The following DEF8 variants were observed in gnomAD, a reference collection of about 807,000 sequenced individuals.
DEF8 encodes DEF-8.
Under a neutral mutation model 59.1 loss-of-function variants are expected in DEF8, and 38 were observed. The observed-to-expected ratio is 0.64, with a 90% confidence interval of 0.50 to 0.84. The LOEUF (loss-of-function observed/expected upper bound fraction) is 0.84, where lower values mean the gene tolerates loss of function less well. Ranked by LOEUF, DEF8 falls within the 40% of genes least tolerant of loss-of-function variation. DEF8 has a pLI of 0.00. For synonymous variants in DEF8, 265 were observed against 250.1 expected, an observed-to-expected ratio of 1.06 and a Z score of -0.56; for missense variants, 557 against 615.2, an observed-to-expected ratio of 0.91 and a Z score of 1.00.
rs998400583 is a variant in DEF8 at position 89,954,463 on chromosome 16, G to A, written c.124+87G>A. The A allele has an allele frequency of 1.5e-5, 22 of 1,458,208 alleles. 1 individual carries two copies. The highest frequency in any genetic ancestry group is 4.1e-4 in the Middle Eastern group (2 of 4,840). 90.3% of individuals were successfully genotyped at this position (1,458,208 alleles called of 1,614,324 possible). On this transcript the variant is annotated intron_variant, in intron 3 of 12. Transcript: ENST00000563594. The surrounding 1 kb of genome is among the most constrained non-coding windows in gnomAD (Gnocchi z 4.3). ...CTCCTTTCTTCCTGCCGCGTCCTGC[G>A]CAGCCCTGGCTTTCCCACGGAGCCG...
At position 89,963,471 on chromosome 16, in the gene DEF8, G is replaced by A. The variant is rs746308579; in HGVS notation, c.1002+28G>A. ...CAGACTGCCAGCAGGACTGGCCCCC[G>A]ATGGGAAGCGCAGCCAGGGTGGTGA... is the stretch of plus-strand genomic sequence containing the variant. On this transcript the variant is annotated intron_variant, in intron 10 of 12. Coordinates refer to ENST00000563594, the MANE Select transcript of DEF8 (RefSeq NM_001242818.2). The A allele has an allele frequency of 1.3e-5, 21 of 1,599,496 alleles. No individual in the cohort carries two copies. The East Asian group carries it at 2.2e-4, about 17-fold the overall frequency.
intron 2 of DEF8, 140 bp downstream of exon 2, chr16:89,949,653 C>G (rs377700366): frequency 6.2e-7 from 1 of 1,601,252 alleles, no homozygotes; most frequent in Non-Finnish European, 8.5e-7. Context: ...GTGCATCCCG[C>G]GTGTCCTGAG....
At chr16:89,958,952 C>A in intron 5 of DEF8, 62 bp from the exon 6 acceptor site, 2 of 1,586,180 alleles carry the variant, frequency 1.3e-6, no homozygotes, top group Non-Finnish European at 1.7e-6. Context: ...GGGGCTTGTG[C>A]GAAGGGAAAG....
Position 89,964,206 on chromosome 16 carries a change from A to T in DEF8, c.1039A>T (p.Met347Leu). 1 of 1,613,424 alleles carries T rather than the reference A, an allele frequency of 6.2e-7. No individual in the cohort carries two copies. The highest frequency in any genetic ancestry group is 8.5e-7 in the Non-Finnish European group (1 of 1,179,796). ...DRQHFVENDE[M>L]YSVQDLLDVH... ...GCAGCATTTTGTGGAGAACGACGAG[A>T]TGTACTCTGTCCAGGACCTCCTGGA... Residue 347 changes from methionine to leucine, a missense_variant, in exon 11 of 13, where the codon ATG becomes TTG. By Grantham distance (15) the Met-to-Leu change is conservative. Transcript: ENST00000563594.
chr16:89,950,078 G>A (rs562453891), intron 2 of DEF8: 1 of 993,518 alleles, frequency 1.0e-6, no homozygotes, highest in South Asian at 4.4e-5. Context: ...CCGGAGGAGA[G>A]CTGGTAGCCT....
Position 89,949,438 on chromosome 16 carries a change from G to C in DEF8, c.-86G>C. 6.2e-7 allele frequency: 1 copy of C among 1,608,276 alleles called. No homozygotes were observed. The highest frequency in any genetic ancestry group is 8.5e-7 in the Non-Finnish European group (1 of 1,178,734). ...GCAGCAGGTGCCGAACCCACGGCCA[G>C]GCTTCCGTGGCCAGCAGCCCTAGAG... On this transcript the variant is annotated 5_prime_UTR_variant, in exon 2 of 13. Transcript: ENST00000563594.
chr16:89,948,863 GCGGGGA>G, intron 1 of DEF8, 49 bp downstream of exon 1: 1 of 688,712 alleles, frequency 1.5e-6, no homozygotes, highest in Non-Finnish European at 1.7e-6. Context: ...GACGGGGCCG[GCGGGGA>G]CGGGGCCGGC....
rs76647195 is a variant in DEF8, at chr16:89,961,674, G to C, written c.680-63G>C. The C allele has an allele frequency of 1.8e-5, 28 of 1,599,330 alleles. No individual in the cohort carries two copies. In the Admixed American group the frequency reaches 4.4e-4, roughly 25 times the overall value. On this transcript the variant is annotated intron_variant, in intron 7 of 12. Transcript: ENST00000563594. ...TGGTCCATGGGAGGACAGACCATGA[G>C]GCTGGAAAGCTGTGTGGGGTTTTTG...
chr16:89,959,611 C>A (rs2033753211), intron 6 of DEF8, among the ~76,000 whole-genome samples: 1 of 152,268 alleles, frequency 6.6e-6, no homozygotes, highest in African/African-American at 2.4e-5. Flanking sequence ...TCTCCTGCCT[C>A]AGCCTCCTGA....
chr16:89,955,069 T>G, intron 3 of DEF8, 100 bp from the exon 4 acceptor site: 1 of 913,154 alleles, frequency 1.1e-6, no homozygotes, highest in Non-Finnish European at 1.7e-6. Context: ...TGCGGCTTCC[T>G]GAATCCCTTT....
intron 4 of DEF8, among the ~76,000 whole-genome samples, chr16:89,956,354 G>C (rs1052942785): frequency 2.0e-5 from 3 of 151,732 alleles, no homozygotes; most frequent in African/African-American, 7.3e-5. Flanking sequence ...CAGCTACTCA[G>C]GAGGCTGAGG....
At chr16:89,957,784 T>G in intron 5 of DEF8, 124 bp downstream of exon 5, 1 of 1,240,536 alleles carries the variant, frequency 8.1e-7, no homozygotes, top group South Asian at 1.6e-5. Flanking sequence ...CCTCAGGGGC[T>G]GAGGTAGAAG....
At chr16:89,965,650 C>T (rs1032341275) in intron 12 of DEF8, among the ~76,000 whole-genome samples, 5 of 152,086 alleles carry the variant, frequency 3.3e-5, no homozygotes, top group Non-Finnish European at 7.4e-5. Context: ...TGGGGGATAG[C>T]AGGTAGCGTG....
intron 4 of DEF8, chr16:89,956,939 C>A (rs1447740899): frequency 6.6e-6 from 1 of 152,258 alleles, no homozygotes; most frequent in Non-Finnish European, 1.5e-5. Context: ...AGGATGGCTC[C>A]TGAGGGCGGG....
At chr16:89,951,549 A>C (rs1398234304) in intron 2 of DEF8, among the ~76,000 whole-genome samples, 1 of 152,038 alleles carries the variant, frequency 6.6e-6, no homozygotes, top group Non-Finnish European at 1.5e-5. Context: ...TGGGTCTTTC[A>C]GTCAGAATCT....
chr16:89,959,227 C>G (rs751292728), intron 6 of DEF8, 72 bp downstream of exon 6: 1 of 1,602,968 alleles, frequency 6.2e-7, no homozygotes, highest in Non-Finnish European at 8.5e-7. Context: ...GGCTCACATT[C>G]AGATGTGAGC....
chr16:89,961,142 G>C (rs367735019), intron 7 of DEF8, 47 bp downstream of exon 7: 1 of 1,585,444 alleles, frequency 6.3e-7, no homozygotes, highest in African/African-American at 1.3e-5. Context: ...TGTTCCTGGC[G>C]GGGAGCCGGG....
At chr16:89,963,905 G>A (rs1351335095) in intron 10 of DEF8, 9 of 569,696 alleles carry the variant, frequency 1.6e-5, no homozygotes, top group Middle Eastern at 2.7e-4. Context: ...TGTGGGAAGC[G>A]TGGGGAGTGC....
chr16:89,962,771 CTTTCTT>C (rs2034199778), intron 9 of DEF8, among the ~76,000 whole-genome samples: 2 of 152,220 alleles, frequency 1.3e-5, no homozygotes, highest in African/African-American at 4.8e-5. Flanking sequence ...GAGATATTTG[CTTTCTT>C]TTTCTTTTTT....
Sources: allele counts gnomAD v4.1 joint callset (sites outside exome capture counted in the v4.1 genomes callset), GRCh38; gene constraint gnomAD v4.1.1; non-coding constraint Gnocchi (gnomAD v3.1); transcripts MANE v1.5; gene names NCBI Gene and HGNC (gene_info 2026-07-23, HGNC 2026-07-21).